Variants in ATRNL1 observed in about 807,000 individuals in gnomAD.
ATRNL1 encodes attractin like 1.
A neutral mutation model predicts 182.7 loss-of-function variants in ATRNL1; 95 were observed. The observed-to-expected ratio is 0.52, with a 90% CI of 0.44 to 0.62. The LOEUF (loss-of-function observed/expected upper bound fraction) is 0.62. Among genes scored for constraint, ATRNL1 ranks in the 20% least tolerant of loss-of-function variants. The pLI is 0.00. For synonymous variants in ATRNL1, 576 were observed against 568.3 expected (o/e 1.01, Z -0.19); for missense variants, 1,471 against 1,679.5 (o/e 0.88, Z 2.17).
chr10:115,814,452 A>G (rs898660263), intron 27 of ATRNL1, among the ~76,000 whole-genome samples: 1 of 152,186 alleles, frequency 6.6e-6, no homozygotes, highest in Non-Finnish European at 1.5e-5. Flanking sequence ...CAAACTATAG[A>G]GTTCAACTTT....
rs1214062543 is a variant in ATRNL1, at chr10:115,121,865, T to C, written c.491+53T>C. ...GAAAAGTGACTGTGTAATTGCTTCT[T>C]TAAATATATATTGATATGTACTGCA... On this transcript the variant is annotated intron_variant, in intron 3 of 28. Coordinates refer to ENST00000355044, the MANE Select transcript of ATRNL1 (RefSeq NM_207303.4). 5.3e-5 allele frequency: 43 copies of C among 814,802 alleles called. No individual in the cohort carries two copies. In the East Asian group the frequency reaches 9.5e-4, roughly 18 times the overall value. The allele number at this position is 814,802 out of a possible 1,614,324, so 50.5% of individuals were successfully genotyped here.
intron 28 of ATRNL1, among the ~76,000 whole-genome samples, chr10:115,930,805 C>T (rs1953372819): frequency 6.6e-6 from 1 of 152,122 alleles, no homozygotes; most frequent in Non-Finnish European, 1.5e-5. Context: ...ATTATTCTAA[C>T]TCTCTAGAAA....
intron 27 of ATRNL1, among the ~76,000 whole-genome samples, chr10:115,799,144 C>T (rs7896266): frequency 0.01 from 1,535 of 152,124 alleles, 33 homozygotes; most frequent in African/African-American, 0.035. Flanking sequence ...GTCGGAGATC[C>T]TGTCTTATTT....
intron 26 of ATRNL1, among the ~76,000 whole-genome samples, chr10:115,723,715 A>ATTTATT (rs1170700484): frequency 2.0e-5 from 3 of 151,720 alleles, no homozygotes; most frequent in East Asian, 3.9e-4. Context: ...TGCCTGGCTA[A>ATTTATT]TTTATTTTTA....
Position 115,286,214 on chromosome 10 carries a change from A to G in ATRNL1, c.2234-2A>G. ...AATAAGACACATTTTTTTTCTTACT[A>G]GCTCATCTTTGTGGAGAAGGATGGA... On this transcript the variant is annotated splice_acceptor_variant, in intron 14 of 28. Coordinates refer to ENST00000355044, the MANE Select transcript of ATRNL1 (RefSeq NM_207303.4). LOFTEE classifies it high-confidence loss of function. 6.7e-7 allele frequency: 1 copy of G among 1,500,650 alleles called. No homozygotes were observed. The allele number at this position is 1,500,650 out of a possible 1,614,324, so 93.0% of individuals were successfully genotyped here.
chr10:115,850,390 C>T (rs1555100181), intron 28 of ATRNL1, among the ~76,000 whole-genome samples: 1 of 152,130 alleles, frequency 6.6e-6, no homozygotes, highest in Non-Finnish European at 1.5e-5. Flanking sequence ...TTTCCCAGAA[C>T]AAGGCAAATA....
chr10:115,451,795 A>G (rs1242517068), intron 21 of ATRNL1, among the ~76,000 whole-genome samples: 3 of 152,118 alleles, frequency 2.0e-5, no homozygotes, highest in African/African-American at 7.2e-5. Flanking sequence ...ATTCTACCAT[A>G]AAGACACGTG....
chr10:115,651,831 G>A (rs1016781297), intron 26 of ATRNL1, among the ~76,000 whole-genome samples: 4 of 152,238 alleles, frequency 2.6e-5, no homozygotes, highest in South Asian at 2.1e-4. Context: ...ATTGGTTAGT[G>A]ATGAATTCAT....
chr10:115,488,811 G>A (rs1446461078), intron 24 of ATRNL1, among the ~76,000 whole-genome samples: 1 of 152,098 alleles, frequency 6.6e-6, no homozygotes, highest in Admixed American at 6.6e-5. Context: ...TTTTACTTGT[G>A]ATGTTAGGGT....
At chr10:115,385,911 T>C (rs1275677344) in intron 19 of ATRNL1, among the ~76,000 whole-genome samples, 2 of 152,216 alleles carry the variant, frequency 1.3e-5, no homozygotes, top group African/African-American at 4.8e-5. Flanking sequence ...TTCTGGTCCA[T>C]TGATCACTCT....
intron 28 of ATRNL1, among the ~76,000 whole-genome samples, chr10:115,902,021 C>T (rs573389249): frequency 3.6e-4 from 55 of 152,220 alleles, no homozygotes; most frequent in Admixed American, 2.0e-3. Flanking sequence ...CACATTTGCA[C>T]GCTGAGATTG....
At chr10:115,909,876 T>A (rs1007764275) in intron 28 of ATRNL1, among the ~76,000 whole-genome samples, 11 of 152,152 alleles carry the variant, frequency 7.2e-5, no homozygotes, top group African/African-American at 2.4e-4. Flanking sequence ...AAATCTTATC[T>A]TCCCTAAATA....
At chr10:115,740,239 G>T (rs1948096344) in intron 27 of ATRNL1, among the ~76,000 whole-genome samples, 1 of 151,700 alleles carries the variant, frequency 6.6e-6, no homozygotes, top group Non-Finnish European at 1.5e-5. Flanking sequence ...TTTCATCAAA[G>T]GTCATAGTTC....
intron 21 of ATRNL1, among the ~76,000 whole-genome samples, chr10:115,438,634 G>A (rs1592658257): frequency 1.3e-5 from 2 of 151,782 alleles, no homozygotes; most frequent in East Asian, 3.9e-4. Context: ...TATATAATTT[G>A]TTCTTGTAGT....
At chr10:115,846,303 C>T (rs373335157) in intron 27 of ATRNL1, among the ~76,000 whole-genome samples, 1 of 151,996 alleles carries the variant, frequency 6.6e-6, no homozygotes, top group South Asian at 2.1e-4. Flanking sequence ...AAGGAGAAAT[C>T]CTTTATAACC....
intron 26 of ATRNL1, among the ~76,000 whole-genome samples, chr10:115,569,835 A>C (rs1854288530): frequency 1.3e-5 from 2 of 152,130 alleles, no homozygotes; most frequent in South Asian, 2.1e-4. Context: ...AAAATACCAT[A>C]AACTGGGTGG....
intron 19 of ATRNL1, among the ~76,000 whole-genome samples, chr10:115,351,742 G>GTGTTTTGTTTTGTTTTTTTT (rs1856261775): frequency 6.7e-6 from 1 of 149,742 alleles, no homozygotes; most frequent in African/African-American, 2.5e-5. Context: ...TTCTTTTCTT[G>GTGTTTTGTTTTGTTTTTTTT]TGTTTTGTTT....
chr10:115,316,544 G>A (rs1361705997), intron 18 of ATRNL1, among the ~76,000 whole-genome samples: 2 of 150,266 alleles, frequency 1.3e-5, no homozygotes, highest in Non-Finnish European at 3.0e-5. Flanking sequence ...GTAAAAACAA[G>A]CCTCTTTCTC....
chr10:115,694,210 C>T (rs1440847693), intron 26 of ATRNL1, among the ~76,000 whole-genome samples: 1 of 151,106 alleles, frequency 6.6e-6, no homozygotes, highest in Non-Finnish European at 1.5e-5. Flanking sequence ...ACACTTCCCA[C>T]TGTATATCAG....
Sources: allele counts gnomAD v4.1 joint callset (sites outside exome capture counted in the v4.1 genomes callset), GRCh38; gene constraint gnomAD v4.1.1; transcripts MANE v1.5; gene names NCBI Gene and HGNC (gene_info 2026-07-23, HGNC 2026-07-21).